Variants in GABRG3 observed in about 807,000 individuals in gnomAD.
The protein encoded by GABRG3 is gamma-aminobutyric acid receptor subunit gamma-3.
GABRG3 carries 25 observed loss-of-function variants against 48.8 expected under a neutral mutation model. The observed-to-expected ratio is 0.51, with a 90% CI of 0.37 to 0.72. The LOEUF (loss-of-function observed/expected upper bound fraction) is 0.72, where lower values mean the gene tolerates loss of function less well. GABRG3 is among the 30% of genes least tolerant of loss of function. The pLI, the probability that GABRG3 is intolerant of heterozygous loss-of-function variation, is 0.00. For synonymous variants in GABRG3, 227 were observed against 217.6 expected (o/e 1.04, Z -0.38); for missense variants, 394 against 577.9 (o/e 0.68, Z 3.26).
At chr15:27,069,165 T>G (rs66491257) in intron 3 of GABRG3, among the ~76,000 whole-genome samples, 3 of 152,148 alleles carry the variant, frequency 2.0e-5, no homozygotes, top group Admixed American at 6.5e-5. Context: ...CCTTGAGACA[T>G]GGGTCTGCTC....
rs10549691 is a variant in GABRG3, at chr15:27,436,995, T to TAGAGAGAGAGAGAGAG, written c.575-43632_575-43617dup. On this transcript the variant is annotated intron_variant, in intron 5 of 9. Transcript: ENST00000615808. Reference sequence around the variant, plus strand: ...TGGGTGAGACTCCTTCTCCGAAAAATAGAGAGAGAGAGAGAGAGAGAGAGA... The same window carrying TAGAGAGAGAGAGAGAG: ...TGGGTGAGACTCCTTCTCCGAAAAATAGAGAGAGAGAGAGAGAGAGAGAGAGAGAGAGAGAGAGAGA... Among the ~76,000 whole-genome samples the TAGAGAGAGAGAGAGAG allele has an allele frequency of 2.2e-3, 282 of 130,578 alleles. 3 individuals are homozygous for TAGAGAGAGAGAGAGAG. The highest frequency in any genetic ancestry group is 7.8e-3 in the African/African-American group (275 of 35,312). The allele number at this position is 130,578 out of a possible 152,430, so 85.7% of individuals were successfully genotyped here. A position where few individuals can be genotyped will look rare whatever the true frequency, so the allele number is the denominator to read the frequency against.
intron 3 of GABRG3, among the ~76,000 whole-genome samples, chr15:27,274,330 C>G (rs927196959): frequency 6.6e-6 from 1 of 152,112 alleles, no homozygotes; most frequent in Non-Finnish European, 1.5e-5. Context: ...AGAAAAGAGG[C>G]TTGTTGAGCT....
intron 2 of GABRG3, among the ~76,000 whole-genome samples, chr15:27,009,665 G>A (rs964677114): frequency 6.6e-6 from 1 of 152,262 alleles, no homozygotes; most frequent in African/African-American, 2.4e-5. Context: ...GGCAATGAAA[G>A]CCTTTTGAGG....
chr15:27,090,804 G>C (rs566548757), intron 3 of GABRG3, among the ~76,000 whole-genome samples: 1 of 152,012 alleles, frequency 6.6e-6, no homozygotes, highest in South Asian at 2.1e-4. Context: ...TCCTCTTCAG[G>C]CTTTTTATTG....
chr15:26,977,161 T>C lies in GABRG3; in HGVS notation c.202+11T>C. On this transcript the variant is annotated intron_variant, in intron 2 of 9. Coordinates refer to ENST00000615808, the MANE Select transcript of GABRG3 (RefSeq NM_033223.5). ...GGCCAGATATTGGAAGTGAGTGTTG[T>C]TTTTTGTTATTCTAATAGAAAAATA... is the stretch of plus-strand genomic sequence containing the variant. The C allele has an allele frequency of 6.2e-7, 1 of 1,604,040 alleles. No individual in the cohort carries two copies. The highest frequency in any genetic ancestry group is 8.5e-7 in the Non-Finnish European group (1 of 1,175,402).
At chr15:27,411,300 A>G (rs898922634) in intron 5 of GABRG3, among the ~76,000 whole-genome samples, 9 of 152,230 alleles carry the variant, frequency 5.9e-5, no homozygotes, top group Admixed American at 2.6e-4. Flanking sequence ...AGGTTTTCTG[A>G]CAGAGTGAAG....
intron 6 of GABRG3, among the ~76,000 whole-genome samples, chr15:27,509,869 CT>C (rs1890856143): frequency 6.6e-6 from 1 of 152,148 alleles, no homozygotes; most frequent in Non-Finnish European, 1.5e-5. Context: ...ATTATTTTGC[CT>C]TTTCAGGCTG....
At chr15:27,385,065 C>T (rs1385412985) in intron 5 of GABRG3, among the ~76,000 whole-genome samples, 1 of 152,166 alleles carries the variant, frequency 6.6e-6, no homozygotes, top group Non-Finnish European at 1.5e-5. Flanking sequence ...TTTCATGCAG[C>T]AGGTCTTTTC....
rs200240229 is a variant in GABRG3, at chr15:27,079,296, C to CA, written c.270+52483dup. 7.8e-3 allele frequency among the ~76,000 whole-genome samples: 1,172 copies of CA among 150,876 alleles called. 12 individuals are homozygous for CA. The highest frequency in any genetic ancestry group is 0.026 in the African/African-American group (1,071 of 41,150). On this transcript the variant is annotated intron_variant, in intron 3 of 9. Transcript: ENST00000615808. ...GAGTAGAGAAGCAACAAGATAGTGC[C>CA]AAAAAAAAGGCAAATAATTTTGTTT...
intron 5 of GABRG3, among the ~76,000 whole-genome samples, chr15:27,398,556 A>C (rs2140584316): frequency 6.6e-6 from 1 of 152,142 alleles, no homozygotes; most frequent in South Asian, 2.1e-4. Context: ...GAAAATCACA[A>C]ATATGTGCTG....
chr15:27,063,010 C>T (rs967374245), intron 3 of GABRG3, among the ~76,000 whole-genome samples: 6 of 152,274 alleles, frequency 3.9e-5, no homozygotes, highest in Admixed American at 6.5e-5. Context: ...TGTCGTGAGA[C>T]GGCATTTTGC....
chr15:27,252,796 G>T (rs564441452), intron 3 of GABRG3, among the ~76,000 whole-genome samples: 1 of 152,292 alleles, frequency 6.6e-6, no homozygotes, highest in African/African-American at 2.4e-5. Flanking sequence ...GGATCCAAAA[G>T]GTCCGTGTCT....
Position 27,324,300 on chromosome 15 carries a change from C to T in GABRG3, c.271-2509C>T, listed in dbSNP as rs374509456. ...CCACTGACCTGTAAACTAAGAAGAC[C>T]TATCTGATCTCCCTCCTGCCCCACA... On this transcript the variant is annotated intron_variant, in intron 3 of 9. Transcript: ENST00000615808. Among the ~76,000 whole-genome samples the T allele has an allele frequency of 2.0e-5, 3 of 152,224 alleles. No individual in the cohort carries two copies. The South Asian group carries it at 6.2e-4, about 32-fold the overall frequency.
rs1185310790 is a variant in GABRG3, at chr15:27,161,766, C to T, written c.270+134945C>T. 2.0e-5 allele frequency among the ~76,000 whole-genome samples: 3 copies of T among 152,110 alleles called. 1 individual carries two copies. The highest frequency in any genetic ancestry group is 1.5e-5 in the Non-Finnish European group (1 of 68,020). On this transcript the variant is annotated intron_variant, in intron 3 of 9. Coordinates refer to ENST00000615808, the MANE Select transcript of GABRG3 (RefSeq NM_033223.5). ...CATGTTTTTCTCTTCATACTGATATCTAGTTGCTACAGGAACACGTATTAG... is the reference window on the plus strand; with the variant it reads ...CATGTTTTTCTCTTCATACTGATATTTAGTTGCTACAGGAACACGTATTAG...
chr15:27,209,979 A>G (rs1889019795), intron 3 of GABRG3, among the ~76,000 whole-genome samples: 2 of 152,206 alleles, frequency 1.3e-5, no homozygotes. Context: ...ATATAGGGTC[A>G]GGGCCCACCC....
intron 5 of GABRG3, among the ~76,000 whole-genome samples, chr15:27,335,833 T>A (rs1431710422): frequency 2.0e-5 from 3 of 152,174 alleles, no homozygotes; most frequent in Non-Finnish European, 4.4e-5. Flanking sequence ...TATGGATTTT[T>A]AAATCACATT....
chr15:27,041,879 G>T (rs552014164), intron 3 of GABRG3, among the ~76,000 whole-genome samples: 1 of 152,126 alleles, frequency 6.6e-6, no homozygotes, highest in Non-Finnish European at 1.5e-5. Flanking sequence ...GGACTTTGCC[G>T]TCCCTCCCTG....
intron 3 of GABRG3, among the ~76,000 whole-genome samples, chr15:27,084,944 T>C (rs1228286798): frequency 6.6e-6 from 1 of 152,218 alleles, no homozygotes; most frequent in Non-Finnish European, 1.5e-5. Flanking sequence ...GCACCAGCCC[T>C]AGGGGCCACT....
chr15:27,318,930 C>T lies in GABRG3; in HGVS notation c.271-7879C>T, dbSNP rs1871376621. Among the ~76,000 whole-genome samples the T allele has an allele frequency of 3.3e-5, 5 of 152,304 alleles. 1 individual carries two copies. The highest frequency in any genetic ancestry group is 4.1e-4 in the South Asian group (2 of 4,824). On this transcript the variant is annotated intron_variant, in intron 3 of 9. Coordinates refer to ENST00000615808, the MANE Select transcript of GABRG3 (RefSeq NM_033223.5). ...AGGAGATGTTGGTCAGTGGTCCAGA[C>T]TTGCAGTTAAGTTCCGCAGGCCTAA... is the stretch of plus-strand genomic sequence containing the variant.
Sources: gnomAD v4.1 joint callset for allele counts (sites outside exome capture counted in the v4.1 genomes callset) on GRCh38, gnomAD v4.1.1 for gene constraint, MANE v1.5 for transcripts, NCBI Gene and HGNC (gene_info 2026-07-23, HGNC 2026-07-21) for gene names.